FHIT: variants seen among roughly 807,000 people sequenced by gnomAD.
The protein encoded by FHIT is bis(5'-adenosyl)-triphosphatase.
In FHIT, 19 loss-of-function variants were observed where a neutral mutation model predicts 17.9. The ratio of observed to expected loss-of-function variants is 1.06; its 90% confidence interval spans 0.74 to 1.56. The LOEUF is 1.56. FHIT is among the 40% of genes most tolerant of loss of function. The pLI is 0.00. For synonymous variants in FHIT, 81 were observed against 69.7 expected (o/e 1.16, Z -0.81); for missense variants, 248 against 189.2 (o/e 1.31, Z -1.82).
At chr3:60,358,037 G>T (rs904899596) in intron 5 of FHIT, among the ~76,000 whole-genome samples, 11 of 152,176 alleles carry the variant, frequency 7.2e-5, no homozygotes, top group Non-Finnish European at 4.4e-5. Context: ...AAACTCAGGA[G>T]ATAGGCCTTA....
intron 5 of FHIT, among the ~76,000 whole-genome samples, chr3:60,305,586 CTTG>C (rs1242872777): frequency 2.0e-5 from 3 of 152,100 alleles, no homozygotes; most frequent in African/African-American, 2.4e-5. Flanking sequence ...TATCTTTCTA[CTTG>C]TTGTGAATAT....
chr3:60,614,756 C>G (rs1413354315), intron 4 of FHIT, among the ~76,000 whole-genome samples: 2 of 151,436 alleles, frequency 1.3e-5, no homozygotes, highest in African/African-American at 2.4e-5. Context: ...TAACAGGGTG[C>G]CTGGTAGAGT....
At chr3:61,236,760 C>G (rs2040240102) in intron 1 of FHIT, among the ~76,000 whole-genome samples, 1 of 152,202 alleles carries the variant, frequency 6.6e-6, no homozygotes. Flanking sequence ...GAAGGGAAAG[C>G]TGACAGCTTC....
chr3:60,882,627 T>A (rs1222925023), intron 3 of FHIT, among the ~76,000 whole-genome samples: 6 of 152,108 alleles, frequency 3.9e-5, no homozygotes, highest in African/African-American at 1.4e-4. Flanking sequence ...CATATGATCA[T>A]CTCAATAGAT....
At chr3:60,167,408 G>T (rs1701223320) in intron 5 of FHIT, among the ~76,000 whole-genome samples, 1 of 152,132 alleles carries the variant, frequency 6.6e-6, no homozygotes, top group Non-Finnish European at 1.5e-5. Flanking sequence ...ATATACACAT[G>T]CATATGTGTA....
intron 5 of FHIT, among the ~76,000 whole-genome samples, chr3:60,124,526 CA>C (rs953158195): frequency 6.6e-6 from 1 of 152,094 alleles, no homozygotes; most frequent in African/African-American, 2.4e-5. Context: ...ATCCTGCCTG[CA>C]AAAATGATCT....
intron 5 of FHIT, among the ~76,000 whole-genome samples, chr3:60,433,625 G>C (rs997581592): frequency 6.6e-6 from 1 of 152,070 alleles, no homozygotes; most frequent in Non-Finnish European, 1.5e-5. Context: ...ACAGGTGTGA[G>C]GTGTCCTCTC....
chr3:60,017,562 T>C (rs17255936), intron 5 of FHIT, among the ~76,000 whole-genome samples: 6,088 of 152,340 alleles, frequency 0.04, 150 homozygotes, highest in South Asian at 0.079. Context: ...GACAGTCTAA[T>C]TACTGAGAAT....
chr3:61,107,770 C>T (rs1381743239), intron 2 of FHIT, among the ~76,000 whole-genome samples: 1 of 152,058 alleles, frequency 6.6e-6, no homozygotes, highest in Non-Finnish European at 1.5e-5. Context: ...AGTGCAGCTG[C>T]GTGGTAGAAG....
At chr3:60,678,170 A>T (rs2107856436) in intron 4 of FHIT, among the ~76,000 whole-genome samples, 1 of 152,150 alleles carries the variant, frequency 6.6e-6, no homozygotes, top group Non-Finnish European at 1.5e-5. Flanking sequence ...TTTATTTTTA[A>T]CAACCAATTT....
chr3:60,363,471 C>T (rs1434203439), intron 5 of FHIT, among the ~76,000 whole-genome samples: 3 of 152,136 alleles, frequency 2.0e-5, no homozygotes, highest in African/African-American at 7.2e-5. Context: ...GTATTAATTG[C>T]TTTATATGGA....
rs374208712 is a variant in FHIT, at chr3:61,233,059, C to T, written c.-213+18242G>A. On this transcript the variant is annotated intron_variant, in intron 1 of 9. Coordinates refer to ENST00000492590, the MANE Select transcript of FHIT (RefSeq NM_002012.4). ...AGCAAGAACAAAATTTCACTTTATA[C>T]CTTTTTATATTGTTTTGTAAAAATA... Among the ~76,000 whole-genome samples, 7 of 152,224 alleles carry T rather than the reference C, an allele frequency of 4.6e-5. No individual in the cohort carries two copies. The South Asian group carries it at 8.3e-4, about 18-fold the overall frequency.
At chr3:60,894,416 G>A (rs1277660337) in intron 3 of FHIT, among the ~76,000 whole-genome samples, 2 of 152,138 alleles carry the variant, frequency 1.3e-5, no homozygotes, top group African/African-American at 4.8e-5. Context: ...AGGAGAGAAG[G>A]AGCACATAAA....
intron 5 of FHIT, among the ~76,000 whole-genome samples, chr3:60,511,953 G>C (rs1255032557): frequency 6.6e-6 from 1 of 152,082 alleles, no homozygotes; most frequent in Non-Finnish European, 1.5e-5. Context: ...TTTACTAGAT[G>C]AGAGAGAAAC....
At chr3:60,371,065 T>G (rs953113674) in intron 5 of FHIT, among the ~76,000 whole-genome samples, 7 of 152,186 alleles carry the variant, frequency 4.6e-5, no homozygotes, top group Non-Finnish European at 8.8e-5. Flanking sequence ...TGCTCATCCT[T>G]GGGTCTCAGA....
At chr3:60,300,657 C>T (rs17400084) in intron 5 of FHIT, among the ~76,000 whole-genome samples, 15,935 of 152,050 alleles carry the variant, frequency 0.1, 899 homozygotes, top group Non-Finnish European at 0.12. Flanking sequence ...TATTGCACTC[C>T]GATGATAAAC....
intron 5 of FHIT, among the ~76,000 whole-genome samples, chr3:60,530,241 G>C (rs2035725969): frequency 6.6e-6 from 1 of 152,180 alleles, no homozygotes; most frequent in South Asian, 2.1e-4. Context: ...AGGCAGCAAG[G>C]AGCCAGAAGA....
intron 1 of FHIT, among the ~76,000 whole-genome samples, chr3:61,247,754 T>C (rs1427161773): frequency 6.6e-6 from 1 of 152,260 alleles, no homozygotes; most frequent in Non-Finnish European, 1.5e-5. Flanking sequence ...AATTTTCATA[T>C]ATCAGGCTTA....
chr3:59,836,415 G>A lies in FHIT; in HGVS notation c.349-84094C>T, dbSNP rs566160740. On this transcript the variant is annotated intron_variant, in intron 8 of 9. Coordinates refer to ENST00000492590, the MANE Select transcript of FHIT (RefSeq NM_002012.4). ...TAGGAGACCCAGGACATAAGTGGCA[G>A]CTGGCTGGCAAGGATGTCAGATGCA... is the stretch of plus-strand genomic sequence containing the variant. Among the ~76,000 whole-genome samples the A allele has an allele frequency of 2.8e-4, 42 of 152,304 alleles. No individual in the cohort carries two copies. The South Asian group carries it at 7.9e-3, about 29-fold the overall frequency.
Sources: allele counts gnomAD v4.1 joint callset (sites outside exome capture counted in the v4.1 genomes callset), GRCh38; gene constraint gnomAD v4.1.1; transcripts MANE v1.5; gene names NCBI Gene and HGNC (gene_info 2026-07-23, HGNC 2026-07-21).